The following TENM4 variants were observed in gnomAD, a reference collection of about 807,000 sequenced individuals.
The protein encoded by TENM4 is teneurin-4.
In TENM4, 82 loss-of-function variants were observed where a neutral mutation model predicts 243.3. The ratio of observed to expected loss-of-function variants is 0.34; its 90% CI spans 0.28 to 0.40. The LOEUF is 0.40. Among genes scored for constraint, TENM4 ranks in the 10% least tolerant of loss-of-function variants. The pLI is 1.00. For synonymous variants in TENM4, 1,412 were observed against 1,456.3 expected, an observed-to-expected ratio of 0.97 and a Z score of 0.69; for missense variants, 3,138 against 3,673.3, an observed-to-expected ratio of 0.85 and a Z score of 3.77.
chr11:79,099,146 A>T (rs1400551007), intron 4 of TENM4, among the ~76,000 whole-genome samples: 1 of 151,926 alleles, frequency 6.6e-6, no homozygotes, highest in Non-Finnish European at 1.5e-5. Context: ...CTGTTGGAGG[A>T]GCTCCGTTCC....
chr11:79,335,136 C>T (rs545278719), intron 1 of TENM4, among the ~76,000 whole-genome samples: 269 of 152,272 alleles, frequency 1.8e-3, no homozygotes, highest in African/African-American at 6.0e-3. Context: ...TGGGAGCTCC[C>T]GGAGGACAGG....
intron 6 of TENM4, among the ~76,000 whole-genome samples, chr11:78,954,296 A>G (rs1477879866): frequency 1.3e-5 from 2 of 152,186 alleles, no homozygotes; most frequent in Non-Finnish European, 2.9e-5. Context: ...GCAGCGAGAG[A>G]TGTTTATTCT....
intron 6 of TENM4, among the ~76,000 whole-genome samples, chr11:78,961,037 G>A (rs1857309985): frequency 6.6e-6 from 1 of 152,228 alleles, no homozygotes; most frequent in Non-Finnish European, 1.5e-5. Flanking sequence ...CTTATCTAAT[G>A]TCCCACAGCA....
At chr11:79,018,724 C>G (rs1377862825) in intron 6 of TENM4, among the ~76,000 whole-genome samples, 1 of 152,128 alleles carries the variant, frequency 6.6e-6, no homozygotes, top group Admixed American at 6.5e-5. Context: ...GTGATTTGAG[C>G]CAGGCAGGGA....
intron 12 of TENM4, among the ~76,000 whole-genome samples, chr11:78,851,637 CAT>C: frequency 2.0e-5 from 3 of 152,270 alleles, no homozygotes; most frequent in Admixed American, 2.0e-4. Flanking sequence ...GCCACGAGAC[CAT>C]GAAGCTGTAA....
At chr11:79,385,461 C>T (rs1329470591) in intron 1 of TENM4, among the ~76,000 whole-genome samples, 1 of 152,004 alleles carries the variant, frequency 6.6e-6, no homozygotes, top group East Asian at 1.9e-4. Context: ...GCCTCATCTA[C>T]AAAAAAGTAA....
chr11:78,690,847 CTT>C (rs1276578460), intron 28 of TENM4, among the ~76,000 whole-genome samples: 2 of 152,166 alleles, frequency 1.3e-5, no homozygotes, highest in East Asian at 3.8e-4. Flanking sequence ...TAGGCTGACT[CTT>C]TGAACACCTG....
At chr11:79,114,685 T>C (rs1861581801) in intron 4 of TENM4, among the ~76,000 whole-genome samples, 1 of 152,194 alleles carries the variant, frequency 6.6e-6, no homozygotes, top group Non-Finnish European at 1.5e-5. Flanking sequence ...AACAAGGGGC[T>C]CCACATTTTT....
chr11:78,879,431 G>C, intron 9 of TENM4, among the ~76,000 whole-genome samples: 1 of 145,588 alleles, frequency 6.9e-6, no homozygotes, highest in African/African-American at 2.6e-5. Flanking sequence ...CGGCCGCCCC[G>C]TCTGGGAGGT....
At position 78,999,409 on chromosome 11, in the gene TENM4, G is replaced by A. The variant is rs529914736; in HGVS notation, c.493+65329C>T. ...TGTGCGCCTGTAGTCCCAGCTACTC[G>A]GGAGGCTGAGGCAGGAGAATGGCAT... On this transcript the variant is annotated intron_variant, in intron 6 of 33. Transcript: ENST00000278550. Among the ~76,000 whole-genome samples, 784 of 152,080 alleles carry A rather than the reference G, an allele frequency of 5.2e-3. 4 individuals carry two copies. Among genetic ancestry groups the A allele is most frequent in the African/African-American group, 8.0e-3 (330 of 41,482 alleles).
intron 14 of TENM4, among the ~76,000 whole-genome samples, chr11:78,805,909 T>C (rs1857379492): frequency 6.6e-6 from 1 of 152,208 alleles, no homozygotes; most frequent in South Asian, 2.1e-4. Flanking sequence ...ATAGATTCCT[T>C]CATTTAAATG....
intron 2 of TENM4, among the ~76,000 whole-genome samples, chr11:79,230,693 C>T (rs1404570349): frequency 3.9e-5 from 6 of 152,234 alleles, no homozygotes; most frequent in Non-Finnish European, 7.3e-5. Context: ...TTTTTACTGT[C>T]ATCAGCAGCA....
intron 18 of TENM4, among the ~76,000 whole-genome samples, chr11:78,762,221 G>A (rs1048040201): frequency 2.0e-5 from 3 of 152,184 alleles, no homozygotes; most frequent in Non-Finnish European, 2.9e-5. Context: ...GAGGCACTTA[G>A]CACGATAACT....
intron 6 of TENM4, among the ~76,000 whole-genome samples, chr11:79,045,419 T>C (rs1472025199): frequency 6.6e-6 from 1 of 152,168 alleles, no homozygotes; most frequent in Non-Finnish European, 1.5e-5. Context: ...AGGGGCTTGG[T>C]GCAGTAAGAT....
intron 23 of TENM4, 73 bp from the exon 24 acceptor site, chr11:78,722,990 T>C: frequency 6.4e-7 from 1 of 1,569,848 alleles, no homozygotes; most frequent in African/African-American, 1.3e-5. Flanking sequence ...GACCACAGAG[T>C]CACCTGATTT....
chr11:79,132,345 C>A (rs1474440542), intron 4 of TENM4, among the ~76,000 whole-genome samples: 142 of 49,894 alleles, frequency 2.8e-3, no homozygotes, highest in Admixed American at 5.4e-3. Flanking sequence ...GACTCCAACT[C>A]AAAAAAAAAA....
At chr11:79,415,868 C>A (rs1461037591) in intron 1 of TENM4, among the ~76,000 whole-genome samples, 1 of 151,732 alleles carries the variant, frequency 6.6e-6, no homozygotes, top group African/African-American at 2.4e-5. Context: ...CCCCAAATTT[C>A]CCCATCCCCC....
chr11:79,021,690 G>A (rs983668781), intron 6 of TENM4: 9 of 152,270 alleles, frequency 5.9e-5, no homozygotes, highest in African/African-American at 2.2e-4. Flanking sequence ...AATGGTCATA[G>A]GGTATAAATG....
chr11:79,372,776 C>A (rs563952533), intron 1 of TENM4, among the ~76,000 whole-genome samples: 2 of 152,234 alleles, frequency 1.3e-5, no homozygotes, highest in African/African-American at 4.8e-5. Flanking sequence ...CAATAAATAT[C>A]AGGTTCTACA....
Sources: gnomAD v4.1 joint callset for allele counts (sites outside exome capture counted in the v4.1 genomes callset) on GRCh38, gnomAD v4.1.1 for gene constraint, MANE v1.5 for transcripts, NCBI Gene and HGNC (gene_info 2026-07-23, HGNC 2026-07-21) for gene names.